The following SGK1 variants were observed in gnomAD, a reference collection of about 807,000 sequenced individuals.
SGK1 encodes the protein serine/threonine-protein kinase Sgk1.
SGK1 carries 26 observed loss-of-function variants against 64.2 expected under a neutral mutation model. The observed-to-expected ratio is 0.40, with a 90% CI of 0.30 to 0.56. The LOEUF (loss-of-function observed/expected upper bound fraction) is 0.56. Ranked by LOEUF, SGK1 falls within the 20% of genes least tolerant of loss-of-function variation. SGK1 has a pLI of 0.38. For missense variants in SGK1, 519 were observed against 645.6 expected (o/e 0.80, Z 2.12); for synonymous variants, 265 against 239.7 (o/e 1.11, Z -0.98).
chr6:134,170,132 C>CA lies in SGK1; in HGVS notation c.*135dup. The CA allele has an allele frequency of 3.0e-6, 2 of 673,946 alleles. No individual in the cohort carries two copies. Among genetic ancestry groups the CA allele is most frequent in the East Asian group, 5.4e-5 (2 of 37,280 alleles). The allele number at this position is 673,946 out of a possible 1,614,324, so 41.7% of individuals were successfully genotyped here. A position where few individuals can be genotyped will look rare whatever the true frequency, so the allele number is the denominator to read the frequency against. ...CAAAAAGCTTCCAGCGAACAGTGTG[C>CA]AATAAGATTGCTAAGCTTCCAGAGA... On this transcript the variant is annotated 3_prime_UTR_variant, in exon 14 of 14. Transcript: ENST00000367858.
intron 2 of SGK1, among the ~76,000 whole-genome samples, chr6:134,219,460 T>C (rs1015344340): frequency 5.3e-5 from 8 of 152,146 alleles, no homozygotes; most frequent in African/African-American, 1.9e-4. Flanking sequence ...GTTTGCATTC[T>C]ATATCAAAAC....
chr6:134,178,322 G>A (rs972644478), intron 3 of SGK1, among the ~76,000 whole-genome samples: 1 of 152,094 alleles, frequency 6.6e-6, no homozygotes, highest in African/African-American at 2.4e-5. Context: ...CTTCCAACCG[G>A]ATACGTGATG....
intron 3 of SGK1, among the ~76,000 whole-genome samples, chr6:134,181,112 C>G (rs1023816647): frequency 3.9e-5 from 6 of 152,158 alleles, no homozygotes; most frequent in Non-Finnish European, 7.3e-5. Context: ...CTACTTCCCC[C>G]ACAAGTCCAG....
intron 2 of SGK1, among the ~76,000 whole-genome samples, chr6:134,235,180 T>A (rs1233913132): frequency 6.6e-6 from 1 of 152,140 alleles, no homozygotes; most frequent in Non-Finnish European, 1.5e-5. Context: ...AATGTCAAAA[T>A]AAGATGCAGG....
At chr6:134,224,748 C>T (rs959743899) in intron 2 of SGK1, among the ~76,000 whole-genome samples, 4 of 151,962 alleles carry the variant, frequency 2.6e-5, no homozygotes, top group South Asian at 2.1e-4. Context: ...TATGGCCAGG[C>T]GCAGTGTCTC....
In SGK1 at chr6:134,174,841, T is replaced by C. The variant is rs755086756; in HGVS notation, c.362-255A>G. ...CGGGGAGACAGAAAGACGTTAGCGC[T>C]CAAAGACCGGCTCGGCGTATGCTGC... On this transcript the variant is annotated intron_variant, in intron 3 of 13. Transcript: ENST00000367858. 72 of 1,613,202 alleles carry C rather than the reference T, an allele frequency of 4.5e-5. 1 individual carries two copies. In the South Asian group the frequency reaches 7.1e-4, roughly 16 times the overall value.
intron 1 of SGK1, chr6:134,298,169 T>C (rs1478723443): frequency 2.2e-6 from 3 of 1,356,490 alleles, no homozygotes; most frequent in Non-Finnish European, 3.2e-6. Context: ...TGTAAGCTTA[T>C]TGATCTCATC....
At chr6:134,262,992 A>G (rs1459789363) in intron 1 of SGK1, among the ~76,000 whole-genome samples, 2 of 151,968 alleles carry the variant, frequency 1.3e-5, no homozygotes, top group Admixed American at 1.3e-4. Context: ...TGTAAGATTC[A>G]GGTAATAATA....
At chr6:134,182,783 C>T (rs1775350548) in intron 3 of SGK1, among the ~76,000 whole-genome samples, 1 of 152,194 alleles carries the variant, frequency 6.6e-6, no homozygotes, top group South Asian at 2.1e-4. Flanking sequence ...ATCCAACCTC[C>T]CCCTCCTCCA....
In SGK1 at chr6:134,175,024, T is replaced by TC. The variant is rs1047419438; in HGVS notation, c.362-439dup. The TC allele has an allele frequency of 4.4e-6, 4 of 905,358 alleles. No individual in the cohort carries two copies. The African/African-American group carries it at 7.1e-5, about 16-fold the overall frequency. 56.1% of individuals were successfully genotyped at this position (905,358 alleles called of 1,614,324 possible). A position where few individuals can be genotyped will look rare whatever the true frequency, so the allele number is the denominator to read the frequency against. ...ACGCTGCCTGCGGCGGGCGGTTCTG[T>TC]CCCCATTGAGAGGGCGAGCCCCGGG... On this transcript the variant is annotated intron_variant, in intron 3 of 13. Coordinates refer to ENST00000367858, the MANE Select transcript of SGK1 (RefSeq NM_001143676.3).
chr6:134,189,998 C>T lies in SGK1; in HGVS notation c.362-15412G>A, dbSNP rs185503589. ...CTGAGTAGCTGGGATTACAAGCACGCGCCACCATGCCCGGCTAATTTTTGT... is the reference window on the plus strand; with the variant it reads ...CTGAGTAGCTGGGATTACAAGCACGTGCCACCATGCCCGGCTAATTTTTGT... On this transcript the variant is annotated intron_variant, in intron 3 of 13. Transcript: ENST00000367858. Among the ~76,000 whole-genome samples, 112 of 152,042 alleles carry T rather than the reference C, an allele frequency of 7.4e-4. 1 individual carries two copies. The highest frequency in any genetic ancestry group is 2.3e-3 in the African/African-American group (97 of 41,486).
chr6:134,271,905 G>A (rs1241946624), intron 1 of SGK1, among the ~76,000 whole-genome samples: 1 of 146,772 alleles, frequency 6.8e-6, no homozygotes, highest in African/African-American at 2.5e-5. Flanking sequence ...GCAGTGATGC[G>A]ATCTTGGCTC....
At position 134,169,496 on chromosome 6, in the gene SGK1, T is replaced by C. The variant is rs1582676364; in HGVS notation, c.*772A>G. 6.6e-6 allele frequency: 1 copy of C among 151,182 alleles called. No individual in the cohort carries two copies. Among genetic ancestry groups the C allele is most frequent in the African/African-American group, 2.4e-5 (1 of 41,126 alleles). The allele number at this position is 151,182 out of a possible 1,614,324, so 9.4% of individuals were successfully genotyped here. A position where few individuals can be genotyped will look rare whatever the true frequency, so the allele number is the denominator to read the frequency against. ...AATGCAAAAAAAAAAACATAAATAATGCCCATTTTACAGGTGACATTTTAA... is the reference window on the plus strand; with the variant it reads ...AATGCAAAAAAAAAAACATAAATAACGCCCATTTTACAGGTGACATTTTAA... On this transcript the variant is annotated 3_prime_UTR_variant, in exon 14 of 14. Transcript: ENST00000367858.
intron 2 of SGK1, among the ~76,000 whole-genome samples, chr6:134,227,981 G>A (rs72972282): frequency 0.18 from 21,670 of 118,026 alleles, 2,120 homozygotes; most frequent in Admixed American, 0.31. Flanking sequence ...GAGACGGAGA[G>A]TCTTGGTCTG....
At chr6:134,231,686 G>C (rs1159505199) in intron 2 of SGK1, among the ~76,000 whole-genome samples, 1 of 152,172 alleles carries the variant, frequency 6.6e-6, no homozygotes, top group Non-Finnish European at 1.5e-5. Context: ...ACTTAATGCA[G>C]AAATGGTTGA....
intron 1 of SGK1, among the ~76,000 whole-genome samples, chr6:134,280,860 A>G (rs1215438257): frequency 6.6e-6 from 1 of 152,198 alleles, no homozygotes; most frequent in East Asian, 1.9e-4. Context: ...TTAGGTCAGG[A>G]GTTCAAGGCC....
chr6:134,284,676 G>A (rs565635005), intron 1 of SGK1, among the ~76,000 whole-genome samples: 15 of 152,046 alleles, frequency 9.9e-5, no homozygotes, highest in Admixed American at 7.9e-4. Context: ...GTTGAGACAG[G>A]GTTTCACCAA....
intron 2 of SGK1, among the ~76,000 whole-genome samples, chr6:134,247,175 T>A (rs576912327): frequency 6.6e-6 from 1 of 151,990 alleles, no homozygotes; most frequent in East Asian, 1.9e-4. Context: ...CCCAATAAAG[T>A]CACCCAAGAC....
intron 2 of SGK1, among the ~76,000 whole-genome samples, chr6:134,244,042 C>T (rs1776487918): frequency 6.6e-6 from 1 of 152,050 alleles, no homozygotes; most frequent in African/African-American, 2.4e-5. Context: ...GTTTGTTACA[C>T]AGGCATACAC....
Sources: allele counts gnomAD v4.1 joint callset (sites outside exome capture counted in the v4.1 genomes callset), GRCh38; gene constraint gnomAD v4.1.1; transcripts MANE v1.5; gene names NCBI Gene and HGNC (gene_info 2026-07-23, HGNC 2026-07-21).